CTTN: variants seen among roughly 807,000 people sequenced by gnomAD.
CTTN encodes the protein src substrate cortactin.
Under a neutral mutation model 84.0 loss-of-function variants are expected in CTTN, and 28 were observed. The ratio of observed to expected loss-of-function variants is 0.33; its 90% CI spans 0.25 to 0.46. The LOEUF (loss-of-function observed/expected upper bound fraction) is 0.46, where lower values mean the gene tolerates loss of function less well. CTTN is among the 20% of genes least tolerant of loss of function. The pLI is 1.00. For synonymous variants in CTTN, 301 were observed against 288.8 expected (o/e 1.04, Z -0.43); for missense variants, 641 against 723.8 (o/e 0.89, Z 1.31).
At position 70,419,863 on chromosome 11, in the gene CTTN, T is replaced by C. The variant is rs1338919732; in HGVS notation, c.679+7T>C. 1.5e-5 allele frequency: 24 copies of C among 1,605,066 alleles called. No individual in the cohort carries two copies. The highest frequency in any genetic ancestry group is 2.0e-5 in the Non-Finnish European group (23 of 1,173,638). On this transcript the variant is annotated splice_region_variant and intron_variant, in intron 9 of 17. Coordinates refer to ENST00000301843, the MANE Select transcript of CTTN (RefSeq NM_005231.4). ...AAGCACGAGTCCCAGAAAGGTGTCT[T>C]CCGTTTTATCTTACCCTCCAGCCAG... is the stretch of plus-strand genomic sequence containing the variant.
rs559447793 is a variant in CTTN at position 70,421,995 on chromosome 11, T to C, written c.901+415T>C. On this transcript the variant is annotated intron_variant, in intron 11 of 17. Coordinates refer to ENST00000301843, the MANE Select transcript of CTTN (RefSeq NM_005231.4). Reference sequence around the variant, plus strand: ...TTGGTTCAACCAAACCACTGGCCATTTGACCAGGGGCTTCGTAGCAGCAAG... The same window carrying C: ...TTGGTTCAACCAAACCACTGGCCATCTGACCAGGGGCTTCGTAGCAGCAAG... 4 of 214,104 alleles carry C rather than the reference T, an allele frequency of 1.9e-5. No homozygotes were observed. In the South Asian group the frequency reaches 3.2e-4, roughly 17 times the overall value. 13.3% of individuals were successfully genotyped at this position (214,104 alleles called of 1,614,324 possible).
chr11:70,399,707 G>T (rs1281080345), intron 1 of CTTN, among the ~76,000 whole-genome samples: 2 of 152,162 alleles, frequency 1.3e-5, no homozygotes, highest in Admixed American at 1.3e-4. Flanking sequence ...GCTTCCTCCC[G>T]CTGGAATCTG....
intron 7 of CTTN, 36 bp downstream of exon 7, chr11:70,415,753 G>C: frequency 6.2e-7 from 1 of 1,610,952 alleles, no homozygotes; most frequent in Non-Finnish European, 8.5e-7. Context: ...GCCCGCTCCG[G>C]GGGCCCCGAT....
Position 70,436,337 on chromosome 11 carries a change from CAGGT to C in CTTN, c.*1176_*1179del. 1 of 1,598,220 alleles carries C rather than the reference CAGGT, an allele frequency of 6.3e-7. No homozygotes were observed. The highest frequency in any genetic ancestry group is 1.1e-5 in the South Asian group (1 of 91,060). On this transcript the variant is annotated 3_prime_UTR_variant, in exon 18 of 18. Coordinates refer to ENST00000301843, the MANE Select transcript of CTTN (RefSeq NM_005231.4). ...GGCTGGACCAGTCCCGTCGTGCAGT[CAGGT>C]GGGCGGTGTGTCTTTCCAGAAGGTC...
intron 15 of CTTN, among the ~76,000 whole-genome samples, chr11:70,432,727 C>T (rs1386832875): frequency 1.3e-5 from 2 of 152,184 alleles, no homozygotes; most frequent in South Asian, 4.1e-4. Context: ...CCAAGGGTGC[C>T]TTGTGTGGCC....
chr11:70,433,005 G>A (rs2058372007), intron 15 of CTTN, 96 bp from the exon 16 acceptor site: 5 of 1,301,638 alleles, frequency 3.8e-6, no homozygotes, highest in Non-Finnish European at 5.4e-6. Flanking sequence ...CTGAGAATTA[G>A]ATGGCCCGTG....
Position 70,421,568 on chromosome 11 carries a change from G to A in CTTN, c.889G>A (p.Glu297Lys), listed in dbSNP as rs771230432. 29 of 1,613,620 alleles carry A rather than the reference G, an allele frequency of 1.8e-5. 1 individual carries two copies. The highest frequency in any genetic ancestry group is 2.2e-5 in the East Asian group (1 of 44,894). ...TTACAAGGAGAAGCTGGCCAAGCAC[G>A]AGTCCCAGCAAGGCACAGTTGCCAC... ...FDYKEKLAKH[E>K]SQQDYSKGFG... The change falls in exon 11 of 18, where the codon GAG (glutamate) becomes AAG (lysine). Residue 297 changes from glutamate (E) to lysine (K), a missense_variant. Glu to Lys is a moderately conservative substitution (Grantham distance 56, BLOSUM62 1). Around this residue, in one of 3 missense-constraint regions of CTTN, gnomAD observed 289 missense variants for 273.1 expected, o/e 1.06. Transcript: ENST00000301843.
chr11:70,417,635 A>T (rs530851423), intron 8 of CTTN, among the ~76,000 whole-genome samples: 2 of 152,144 alleles, frequency 1.3e-5, no homozygotes, highest in South Asian at 4.1e-4. Context: ...AGCCGGGATT[A>T]CAAGCACACG....
chr11:70,414,751 C>G (rs2058138242), intron 6 of CTTN, 99 bp downstream of exon 6: 2 of 818,022 alleles, frequency 2.4e-6, no homozygotes, highest in Non-Finnish European at 4.1e-6. Flanking sequence ...CAGGCAGGTG[C>G]CCTCCAGCTC....
intron 7 of CTTN, 187 bp from the exon 8 acceptor site, chr11:70,416,826 T>C (rs1272021043): frequency 1.7e-6 from 1 of 579,426 alleles, no homozygotes; most frequent in South Asian, 2.1e-5. Flanking sequence ...AACCCCCCCA[T>C]GCACCTGTTG....
At chr11:70,410,163 C>T (rs2058082970) in intron 5 of CTTN, 2 of 533,316 alleles carry the variant, frequency 3.8e-6, no homozygotes, top group Non-Finnish European at 6.6e-6. Context: ...TAGGAATCCT[C>T]AGAGGTGCTG....
Position 70,415,802 on chromosome 11 carries a change from T to C in CTTN, c.457+85T>C. ...GCCACCTGAAGCCGTTTCCCCGCGC[T>C]CCGGGGGCCCTGATGGGGAGAGTCA... On this transcript the variant is annotated intron_variant, in intron 7 of 17. Transcript: ENST00000301843. 2.9e-6 allele frequency: 4 copies of C among 1,362,688 alleles called. No individual in the cohort carries two copies. The South Asian group carries it at 3.5e-5, about 12-fold the overall frequency. 84.4% of individuals were successfully genotyped at this position (1,362,688 alleles called of 1,614,324 possible).
Position 70,433,026 on chromosome 11 carries a change from G to A in CTTN, c.1267-75G>A, listed in dbSNP as rs559953924. 6.1e-6 allele frequency: 9 copies of A among 1,475,432 alleles called. No homozygotes were observed. The African/African-American group carries it at 1.1e-4, about 18-fold the overall frequency. 91.4% of individuals were successfully genotyped at this position (1,475,432 alleles called of 1,614,324 possible). ...ATTAGATGGCCCGTGGGTTTCTGCT[G>A]GCTGTGGCAGTACAGCTACTGCTCT... On this transcript the variant is annotated intron_variant, in intron 15 of 17. Transcript: ENST00000301843.
At chr11:70,418,778 T>C (rs950484473) in intron 8 of CTTN, among the ~76,000 whole-genome samples, 2 of 150,942 alleles carry the variant, frequency 1.3e-5, no homozygotes, top group Admixed American at 1.3e-4. Flanking sequence ...GTACTTTATT[T>C]CTTTTTTTTT....
chr11:70,429,248 C>G (rs770480121), intron 14 of CTTN, 49 bp downstream of exon 14: 1 of 1,576,820 alleles, frequency 6.3e-7, no homozygotes, highest in South Asian at 1.1e-5. Flanking sequence ...GGACCTGTGC[C>G]GAGGGGATTG....
chr11:70,420,404 T>A lies in CTTN; in HGVS notation c.684T>A (p.Tyr228Ter). 6.2e-7 allele frequency: 1 copy of A among 1,611,816 alleles called. No homozygotes were observed. The highest frequency in any genetic ancestry group is 8.5e-7 in the Non-Finnish European group (1 of 1,177,844). ...KTEKHESQKDYVKGFGGKFGV... is the reference protein window; with the variant it reads ...KTEKHESQKD ...GGCCTTTCATTGTGCATGTAGACTA[T>A]GTGAAAGGGTTTGGAGGAAAATTTG... Residue 228 changes from tyrosine (Y) to a stop codon, truncating the protein, a stop_gained, in exon 10 of 18, where the codon TAT becomes TAA. Transcript: ENST00000301843. LOFTEE classifies it high-confidence loss of function.
intron 5 of CTTN, among the ~76,000 whole-genome samples, chr11:70,414,007 C>T (rs1474876047): frequency 3.9e-5 from 6 of 152,132 alleles, no homozygotes; most frequent in African/African-American, 9.7e-5. Context: ...GTCCAGGGTT[C>T]GTGTGCAGCT....
chr11:70,411,231 AGC>A (rs2058092888), intron 5 of CTTN, among the ~76,000 whole-genome samples: 1 of 150,674 alleles, frequency 6.6e-6, no homozygotes, highest in Non-Finnish European at 1.5e-5. Context: ...CAGCGAGCGA[AGC>A]GTGTGCACAC....
At chr11:70,421,810 C>T in intron 11 of CTTN, 1 of 516,206 alleles carries the variant, frequency 1.9e-6, no homozygotes, top group Non-Finnish European at 3.4e-6. Flanking sequence ...CAGGATGCGC[C>T]AGTTAGTGTG....
Sources: gnomAD v4.1 joint callset for allele counts (sites outside exome capture counted in the v4.1 genomes callset) on GRCh38, gnomAD v4.1.1 for gene constraint, gnomAD v4.1.1 regional missense constraint, MANE v1.5 for transcripts, NCBI Gene and HGNC (gene_info 2026-07-23, HGNC 2026-07-21) for gene names.